The following PTPRD variants were observed in gnomAD, a reference collection of about 807,000 sequenced individuals.
PTPRD encodes the protein receptor-type tyrosine-protein phosphatase delta.
A neutral mutation model predicts 214.5 loss-of-function variants in PTPRD; 34 were observed. That is an observed-to-expected ratio of 0.16 (90% CI 0.12 to 0.21). The LOEUF is 0.21. Among genes scored for constraint, PTPRD ranks in the 10% least tolerant of loss-of-function variants. PTPRD has a pLI of 1.00. For synonymous variants in PTPRD, 1,128 were observed against 845.7 expected (o/e 1.33, Z -5.79); for missense variants, 2,545 against 2,398.7 (o/e 1.06, Z -1.27).
At chr9:9,872,087 T>C (rs566712058) in intron 5 of PTPRD, among the ~76,000 whole-genome samples, 195 of 152,224 alleles carry the variant, frequency 1.3e-3, no homozygotes, top group African/African-American at 4.3e-3. Context: ...CCCTCTATAA[T>C]TGTTCACACT....
intron 9 of PTPRD, among the ~76,000 whole-genome samples, chr9:9,258,131 T>A (rs560392380): frequency 6.7e-6 from 1 of 148,536 alleles, no homozygotes; most frequent in Non-Finnish European, 1.5e-5. Flanking sequence ...ATAAACTGCA[T>A]CAGGCTTCTA....
intron 8 of PTPRD, among the ~76,000 whole-genome samples, chr9:9,495,219 G>A (rs2096118732): frequency 6.7e-6 from 1 of 148,682 alleles, no homozygotes; most frequent in South Asian, 2.2e-4. Context: ...GAAGAAAACT[G>A]AAATTAGTAA....
Position 9,452,066 on chromosome 9 carries a change from G to C in PTPRD, c.-236-54584C>G, listed in dbSNP as rs556214218. Among the ~76,000 whole-genome samples, 11 of 151,514 alleles carry C rather than the reference G, an allele frequency of 7.3e-5. No homozygotes were observed. In the South Asian group the frequency reaches 2.1e-3, roughly 29 times the overall value. On this transcript the variant is annotated intron_variant, in intron 8 of 45. Transcript: ENST00000381196. The stretch of plus-strand genomic sequence containing the variant: ...ACCTCACACCCAGAAAGCCCAAAAT[G>C]TCTCTAGCAGGAGAAACAAATATAT...
chr9:9,591,059 T>G (rs615224), intron 7 of PTPRD, among the ~76,000 whole-genome samples: 53,472 of 151,838 alleles, frequency 0.35, 9,844 homozygotes, highest in African/African-American at 0.42. Flanking sequence ...TACCTTCCAT[T>G]GCAAAAGGGA....
At chr9:9,808,646 A>G (rs1452935520) in intron 5 of PTPRD, among the ~76,000 whole-genome samples, 1 of 152,136 alleles carries the variant, frequency 6.6e-6, no homozygotes, top group East Asian at 1.9e-4. Context: ...TTTAAATAAA[A>G]TCGTTTAAAA....
intron 5 of PTPRD, among the ~76,000 whole-genome samples, chr9:9,797,552 C>T (rs935068628): frequency 3.3e-5 from 5 of 151,910 alleles, no homozygotes; most frequent in African/African-American, 9.7e-5. Flanking sequence ...CGAAAAGGAT[C>T]GTCTTCTGTC....
At chr9:9,964,448 G>A (rs1405919932) in intron 4 of PTPRD, among the ~76,000 whole-genome samples, 1 of 152,116 alleles carries the variant, frequency 6.6e-6, no homozygotes, top group South Asian at 2.1e-4. Context: ...TTTTAAGGAT[G>A]CAGAGTAAAA....
At chr9:8,798,762 C>A (rs1293302043) in intron 11 of PTPRD, among the ~76,000 whole-genome samples, 5 of 152,140 alleles carry the variant, frequency 3.3e-5, no homozygotes, top group Non-Finnish European at 7.4e-5. Flanking sequence ...AATATTGGCT[C>A]CTACTAGTGC....
Position 8,729,854 on chromosome 9 carries a change from G to C in PTPRD, c.64+3926C>G, listed in dbSNP as rs1293433386. Among the ~76,000 whole-genome samples the C allele has an allele frequency of 2.0e-5, 3 of 152,220 alleles. 1 individual carries two copies. In the South Asian group the frequency reaches 6.2e-4, roughly 31 times the overall value. On this transcript the variant is annotated intron_variant, in intron 12 of 45. Transcript: ENST00000381196. ...CAAATGATTATCTTACAACACAGAT[G>C]TCAGTCTATGCTCTAATGTCAAAGA...
intron 2 of PTPRD, among the ~76,000 whole-genome samples, chr9:10,459,601 CA>C (rs944251371): frequency 6.6e-6 from 1 of 152,008 alleles, no homozygotes; most frequent in Non-Finnish European, 1.5e-5. Flanking sequence ...TTCTAACTAA[CA>C]TGAGATGGTA....
intron 32 of PTPRD, among the ~76,000 whole-genome samples, chr9:8,461,423 G>C (rs542081509): frequency 6.6e-6 from 1 of 151,852 alleles, no homozygotes; most frequent in Non-Finnish European, 1.5e-5. Context: ...TATGATATCC[G>C]ATCCCATTTA....
At chr9:9,839,445 A>AT (rs1237568632) in intron 5 of PTPRD, among the ~76,000 whole-genome samples, 1 of 152,188 alleles carries the variant, frequency 6.6e-6, no homozygotes, top group Non-Finnish European at 1.5e-5. Context: ...GGGAACTCCC[A>AT]TTCACAATTG....
intron 7 of PTPRD, among the ~76,000 whole-genome samples, chr9:9,580,135 T>C (rs941350177): frequency 2.0e-5 from 3 of 152,178 alleles, no homozygotes; most frequent in African/African-American, 4.8e-5. Context: ...GGTTATTTCA[T>C]AACTTTGCTA....
chr9:9,357,693 G>T (rs1318205882), intron 9 of PTPRD, among the ~76,000 whole-genome samples: 3 of 147,900 alleles, frequency 2.0e-5, no homozygotes, highest in Non-Finnish European at 4.5e-5. Context: ...CAGAGGATGT[G>T]CTGCTCAATA....
chr9:10,286,917 G>A (rs1193039148), intron 3 of PTPRD, among the ~76,000 whole-genome samples: 2 of 152,222 alleles, frequency 1.3e-5, no homozygotes, highest in Non-Finnish European at 2.9e-5. Flanking sequence ...TGTTGTTAAT[G>A]TTGGTATCAA....
intron 8 of PTPRD, among the ~76,000 whole-genome samples, chr9:9,550,492 GTATGA>G (rs1393790650): frequency 6.8e-6 from 1 of 147,766 alleles, no homozygotes; most frequent in Non-Finnish European, 1.5e-5. Flanking sequence ...TATATATATG[GTATGA>G]TATGTAGGAC....
chr9:8,464,296 A>T (rs2096494555), intron 32 of PTPRD, among the ~76,000 whole-genome samples: 1 of 152,068 alleles, frequency 6.6e-6, no homozygotes, highest in South Asian at 2.1e-4. Flanking sequence ...TGAATAAAAG[A>T]AAAAGATGAT....
At chr9:9,469,111 G>C (rs940556043) in intron 8 of PTPRD, among the ~76,000 whole-genome samples, 10 of 151,972 alleles carry the variant, frequency 6.6e-5, no homozygotes, top group Non-Finnish European at 1.2e-4. Flanking sequence ...ATATATAACA[G>C]ATTTTGAAGA....
At chr9:9,468,939 G>C (rs1171908827) in intron 8 of PTPRD, among the ~76,000 whole-genome samples, 1 of 152,078 alleles carries the variant, frequency 6.6e-6, no homozygotes, top group Non-Finnish European at 1.5e-5. Flanking sequence ...TCTCCATAAA[G>C]GGGTTACATC....
Sources: gnomAD v4.1 joint callset for allele counts (sites outside exome capture counted in the v4.1 genomes callset) on GRCh38, gnomAD v4.1.1 for gene constraint, MANE v1.5 for transcripts, NCBI Gene and HGNC (gene_info 2026-07-23, HGNC 2026-07-21) for gene names.